Variants in LRFN2 observed in about 807,000 individuals in gnomAD.
The protein encoded by LRFN2 is leucine-rich repeat and fibronectin type-III domain-containing protein 2.
Under a neutral mutation model 37.3 loss-of-function variants are expected in LRFN2, and 18 were observed. The observed-to-expected ratio is 0.48, with a 90% CI of 0.33 to 0.72. The LOEUF (loss-of-function observed/expected upper bound fraction) is 0.72, where lower values mean the gene tolerates loss of function less well. LRFN2 is among the 30% of genes least tolerant of loss of function. LRFN2 has a pLI of 0.02. For synonymous variants in LRFN2, 556 were observed against 466.6 expected (o/e 1.19, Z -2.47); for missense variants, 1,006 against 1,060.7 (o/e 0.95, Z 0.72).
chr6:40,466,000 TA>T (rs759373035), intron 1 of LRFN2, among the ~76,000 whole-genome samples: 46 of 152,318 alleles, frequency 3.0e-4, no homozygotes, highest in East Asian at 2.3e-3. Flanking sequence ...CCCTACAGTC[TA>T]CCAGGGGTTT....
intron 2 of LRFN2, among the ~76,000 whole-genome samples, chr6:40,408,579 T>A (rs1762896714): frequency 6.6e-6 from 1 of 152,196 alleles, no homozygotes; most frequent in Non-Finnish European, 1.5e-5. Flanking sequence ...AGCATGGTGG[T>A]TCACAGCAGC....
intron 1 of LRFN2, among the ~76,000 whole-genome samples, chr6:40,518,913 C>T (rs1765965780): frequency 6.6e-6 from 1 of 151,938 alleles, no homozygotes; most frequent in South Asian, 2.1e-4. Context: ...CGAGGGGGTT[C>T]CAGGCAGAGG....
chr6:40,472,552 C>A (rs1764623170), intron 1 of LRFN2, among the ~76,000 whole-genome samples: 5 of 152,166 alleles, frequency 3.3e-5, no homozygotes, highest in South Asian at 4.1e-4. Flanking sequence ...GTGGGGTAAC[C>A]CTCGCCACCT....
At position 40,424,582 on chromosome 6, in the gene LRFN2, GA is replaced by G. The variant is rs34334112; in HGVS notation, c.1400+7131del. Among the ~76,000 whole-genome samples, 7 of 151,344 alleles carry G rather than the reference GA, an allele frequency of 4.6e-5. No individual in the cohort carries two copies. In the East Asian group the frequency reaches 5.9e-4, roughly 13 times the overall value. On this transcript the variant is annotated intron_variant, in intron 2 of 2. Transcript: ENST00000338305. The stretch of plus-strand genomic sequence containing the variant: ...TGTAGATGTCATGTTTCAACAGCGT[GA>G]AAAAAAAATTAGAAAATATAAAATC...
At chr6:40,440,731 C>A (rs917806148) in intron 1 of LRFN2, among the ~76,000 whole-genome samples, 4 of 152,172 alleles carry the variant, frequency 2.6e-5, no homozygotes, top group South Asian at 2.1e-4. Context: ...CTCCAAGGTA[C>A]ATTTTACATA....
At chr6:40,562,726 G>T (rs1455970785) in intron 1 of LRFN2, among the ~76,000 whole-genome samples, 1 of 152,026 alleles carries the variant, frequency 6.6e-6, no homozygotes, top group Admixed American at 6.6e-5. Flanking sequence ...AAGAAACCTA[G>T]CCTATTTCTG....
rs201632417 is a variant in LRFN2, at chr6:40,392,077, G to T, written c.2236C>A (p.Arg746=). The part of the protein sequence containing the change: ...GVVPGGYSPP[R]KVSNIWTKRS... Reference sequence around the variant, plus strand: ...TTCGTCCAGATGTTCGAGACCTTCCGAGGAGGACTGTAGCCGCCCGGCACG... The same window carrying T: ...TTCGTCCAGATGTTCGAGACCTTCCTAGGAGGACTGTAGCCGCCCGGCACG... The change falls in exon 3 of 3, where the codon CGG becomes AGG. Residue 746 remains arginine (R), a synonymous_variant. Coordinates refer to ENST00000338305, the MANE Select transcript of LRFN2 (RefSeq NM_020737.3). This position sits in a 1 kb window ranked among gnomAD's most constrained non-coding sequence, Gnocchi z 4.7. 6.2e-7 allele frequency: 1 copy of T among 1,614,078 alleles called. No homozygotes were observed. The highest frequency in any genetic ancestry group is 8.5e-7 in the Non-Finnish European group (1 of 1,180,010).
intron 1 of LRFN2, among the ~76,000 whole-genome samples, chr6:40,563,405 G>A (rs1305674004): frequency 6.6e-6 from 1 of 152,108 alleles, no homozygotes; most frequent in Non-Finnish European, 1.5e-5. Flanking sequence ...CTCATCAAAG[G>A]GAGGAAAGGC....
chr6:40,441,060 A>C (rs1763824233), intron 1 of LRFN2, among the ~76,000 whole-genome samples: 7 of 152,234 alleles, frequency 4.6e-5, no homozygotes. Context: ...AAAATCATGC[A>C]TGTTCTTGTC....
Position 40,391,838 on chromosome 6 carries a change from C to T in LRFN2, c.*105G>A. 2 of 1,254,804 alleles carry T rather than the reference C, an allele frequency of 1.6e-6. No individual in the cohort carries two copies. The highest frequency in any genetic ancestry group is 2.2e-6 in the Non-Finnish European group (2 of 927,884). 77.7% of individuals were successfully genotyped at this position (1,254,804 alleles called of 1,614,324 possible). A position where few individuals can be genotyped will look rare whatever the true frequency, so the allele number is the denominator to read the frequency against. ...GCCATTGACAGGGAGACGAAACTGTCCCTGGATGTAAACATCACCATGGAA... is the reference window on the plus strand; with the variant it reads ...GCCATTGACAGGGAGACGAAACTGTTCCTGGATGTAAACATCACCATGGAA... On this transcript the variant is annotated 3_prime_UTR_variant, in exon 3 of 3. Coordinates refer to ENST00000338305, the MANE Select transcript of LRFN2 (RefSeq NM_020737.3).
At chr6:40,570,231 T>G (rs904880748) in intron 1 of LRFN2, among the ~76,000 whole-genome samples, 3 of 152,214 alleles carry the variant, frequency 2.0e-5, no homozygotes, top group Non-Finnish European at 4.4e-5. Flanking sequence ...TCATCAAATA[T>G]TTATTGAGCT....
intron 1 of LRFN2, among the ~76,000 whole-genome samples, chr6:40,586,525 C>T (rs1023283953): frequency 2.0e-5 from 3 of 152,116 alleles, no homozygotes; most frequent in Admixed American, 6.5e-5. Context: ...AGGGAGTCCC[C>T]GGCGCCCCCA....
intron 2 of LRFN2, among the ~76,000 whole-genome samples, chr6:40,416,035 G>A (rs1763085629): frequency 6.6e-6 from 1 of 152,204 alleles, no homozygotes; most frequent in Non-Finnish European, 1.5e-5. Flanking sequence ...TTGAGATGGA[G>A]TCTCACTTCT....
At chr6:40,582,535 T>C (rs1200247260) in intron 1 of LRFN2, among the ~76,000 whole-genome samples, 1 of 151,940 alleles carries the variant, frequency 6.6e-6, no homozygotes, top group Admixed American at 6.6e-5. Flanking sequence ...TCCAGTCTGT[T>C]CCTCAGGTTG....
intron 1 of LRFN2, among the ~76,000 whole-genome samples, chr6:40,535,154 T>C (rs901604237): frequency 2.0e-5 from 3 of 152,214 alleles, no homozygotes; most frequent in African/African-American, 7.2e-5. Context: ...ATGGGAAGCC[T>C]CAGTGGCTGC....
At chr6:40,472,504 C>A (rs1433119855) in intron 1 of LRFN2, among the ~76,000 whole-genome samples, 1 of 152,208 alleles carries the variant, frequency 6.6e-6, no homozygotes, top group African/African-American at 2.4e-5. Context: ...GCCTAATAAG[C>A]CTTCCCGGGC....
At chr6:40,511,537 G>C (rs1029540997) in intron 1 of LRFN2, among the ~76,000 whole-genome samples, 3 of 152,160 alleles carry the variant, frequency 2.0e-5, no homozygotes, top group Non-Finnish European at 4.4e-5. Context: ...CTGAGCCCAG[G>C]CCACCCAGCT....
chr6:40,487,361 T>G (rs1764985679), intron 1 of LRFN2, among the ~76,000 whole-genome samples: 1 of 152,200 alleles, frequency 6.6e-6, no homozygotes, highest in South Asian at 2.1e-4. Flanking sequence ...AGACTCACCA[T>G]TTGACTCTCA....
intron 1 of LRFN2, among the ~76,000 whole-genome samples, chr6:40,521,744 C>T (rs1412801275): frequency 1.3e-5 from 2 of 152,094 alleles, no homozygotes; most frequent in African/African-American, 4.8e-5. Context: ...TGACCCACCT[C>T]CTCTTATCAA....
Sources: gnomAD v4.1 joint callset for allele counts (sites outside exome capture counted in the v4.1 genomes callset) on GRCh38, gnomAD v4.1.1 for gene constraint, Gnocchi (gnomAD v3.1) non-coding constraint, MANE v1.5 for transcripts, NCBI Gene and HGNC (gene_info 2026-07-23, HGNC 2026-07-21) for gene names.